The following EIF4E2 variants were observed in gnomAD, a reference collection of about 807,000 sequenced individuals.
The protein encoded by EIF4E2 is eukaryotic translation initiation factor 4E family member 2.
EIF4E2 carries 13 observed loss-of-function variants against 34.2 expected under a neutral mutation model. The ratio of observed to expected loss-of-function variants is 0.38; its 90% CI spans 0.25 to 0.60. The LOEUF is 0.60. Ranked by LOEUF, EIF4E2 falls within the 20% of genes least tolerant of loss-of-function variation. The probability of loss-of-function intolerance (pLI) is 0.62; values close to 1 mark genes in which losing one functional copy is unlikely to be tolerated. For missense variants in EIF4E2, 222 were observed against 315.1 expected (o/e 0.70, Z 2.24); for synonymous variants, 100 against 106.6 (o/e 0.94, Z 0.38).
intron 3 of EIF4E2, among the ~76,000 whole-genome samples, chr2:232,562,879 G>A (rs1035996924): frequency 6.6e-6 from 1 of 152,372 alleles, no homozygotes; most frequent in Middle Eastern, 3.4e-3. Context: ...AAGCTTAGCA[G>A]TTGCTGAGTA....
chr2:232,562,481 G>A (rs1692758277), intron 3 of EIF4E2, among the ~76,000 whole-genome samples: 1 of 152,170 alleles, frequency 6.6e-6, no homozygotes, highest in Non-Finnish European at 1.5e-5. Context: ...AGCTACTCGG[G>A]AGGCTGAGGC....
intron 2 of EIF4E2, among the ~76,000 whole-genome samples, chr2:232,557,339 T>C (rs1369847201): frequency 6.6e-6 from 1 of 152,180 alleles, no homozygotes; most frequent in African/African-American, 2.4e-5. Flanking sequence ...TTATGCTAGA[T>C]GCTAAGAGGA....
At chr2:232,575,654 A>G (rs542821381) in intron 6 of EIF4E2, among the ~76,000 whole-genome samples, 1 of 152,342 alleles carries the variant, frequency 6.6e-6, no homozygotes, top group East Asian at 1.9e-4. Context: ...TAGTCAACAT[A>G]GAATTCCAGG....
chr2:232,578,554 C>A (rs1006769339), intron 6 of EIF4E2, among the ~76,000 whole-genome samples: 1 of 151,762 alleles, frequency 6.6e-6, no homozygotes, highest in African/African-American at 2.4e-5. Context: ...TCGCTTGAAC[C>A]CAGGAGGCGG....
chr2:232,572,491 G>A (rs879034420), downstream of EIF4E2, among the ~76,000 whole-genome samples: 4 of 152,020 alleles, frequency 2.6e-5, no homozygotes, highest in African/African-American at 4.8e-5. Flanking sequence ...TCAGCCTCCC[G>A]AGTAGCTGGG....
At chr2:232,555,369 C>G (rs1559312656) in intron 1 of EIF4E2, among the ~76,000 whole-genome samples, 1 of 152,156 alleles carries the variant, frequency 6.6e-6, no homozygotes, top group Non-Finnish European at 1.5e-5. Flanking sequence ...ATTGTCTTTG[C>G]AAACTCACCT....
chr2:232,568,158 T>C, intron 6 of EIF4E2: 1 of 985,404 alleles, frequency 1.0e-6, no homozygotes, highest in Non-Finnish European at 1.2e-6. Context: ...ATCATCATCA[T>C]CATCATTAGT....
At chr2:232,565,968 T>C (rs998623749) in intron 4 of EIF4E2, among the ~76,000 whole-genome samples, 31 of 151,992 alleles carry the variant, frequency 2.0e-4, no homozygotes, top group African/African-American at 7.5e-4. Context: ...GGCATGTGCC[T>C]GTAGTCCCAG....
chr2:232,550,695 T>C lies in EIF4E2; in HGVS notation c.-30T>C. The C allele has an allele frequency of 1.3e-6, 2 of 1,583,256 alleles. No individual in the cohort carries two copies. The highest frequency in any genetic ancestry group is 1.7e-6 in the Non-Finnish European group (2 of 1,166,274). On this transcript the variant is annotated 5_prime_UTR_variant, in exon 1 of 7. Coordinates refer to ENST00000258416, the MANE Select transcript of EIF4E2 (RefSeq NM_004846.4). ...ACCCGGTGGAGCGGAAGTCACTCCC[T>C]GAGGCAGTGGCGACAGCGGCGGCGA...
intron 3 of EIF4E2, among the ~76,000 whole-genome samples, chr2:232,561,709 T>C (rs41329144): frequency 0.028 from 4,257 of 152,256 alleles, 119 homozygotes; most frequent in Middle Eastern, 0.071. Flanking sequence ...CATCTTGAAA[T>C]GGAAAGAGCA....
chr2:232,562,555 A>T (rs1692759973), intron 3 of EIF4E2, among the ~76,000 whole-genome samples: 1 of 152,180 alleles, frequency 6.6e-6, no homozygotes, highest in Non-Finnish European at 1.5e-5. Flanking sequence ...GCACCATTGC[A>T]CTCCAGCCTG....
chr2:232,555,284 T>C (rs1692482081), intron 1 of EIF4E2, among the ~76,000 whole-genome samples: 1 of 152,200 alleles, frequency 6.6e-6, no homozygotes. Context: ...CATATAGTTA[T>C]TGGGGCGAGA....
chr2:232,566,800 T>C lies in EIF4E2; in HGVS notation c.376-29T>C, dbSNP rs1370614356. 1 of 1,612,748 alleles carries C rather than the reference T, an allele frequency of 6.2e-7. No homozygotes were observed. The highest frequency in any genetic ancestry group is 8.5e-7 in the Non-Finnish European group (1 of 1,179,694). On this transcript the variant is annotated intron_variant, in intron 4 of 6. Transcript: ENST00000258416. The surrounding 1 kb of genome is among the most constrained non-coding windows in gnomAD (Gnocchi z 4.9). ...AAAAAAAGGCTGTGAAACCATATTT[T>C]AACTTCAGTGCTTTCTGTCTTTTTA...
At chr2:232,574,405 C>G (rs890647570) in intron 6 of EIF4E2, 1 of 1,491,598 alleles carries the variant, frequency 6.7e-7, no homozygotes, top group African/African-American at 1.4e-5. Context: ...GACCCCTCTT[C>G]CCATTTACCC....
downstream of EIF4E2, among the ~76,000 whole-genome samples, chr2:232,571,124 G>A (rs548819567): frequency 5.3e-5 from 8 of 152,260 alleles, no homozygotes; most frequent in East Asian, 1.3e-3. Context: ...TTCTTCAACC[G>A]TTGGGTTTTT....
At chr2:232,574,871 C>CTT (rs1347335641) in intron 6 of EIF4E2, among the ~76,000 whole-genome samples, 1 of 152,210 alleles carries the variant, frequency 6.6e-6, no homozygotes, top group Non-Finnish European at 1.5e-5. Context: ...CCAAGCTGTA[C>CTT]TTTCACTAGA....
At chr2:232,567,801 T>C in intron 6 of EIF4E2, 1 of 985,820 alleles carries the variant, frequency 1.0e-6, no homozygotes, top group Non-Finnish European at 1.2e-6. Flanking sequence ...GAAATAGAGC[T>C]CTCTGTCCAC....
In EIF4E2 at chr2:232,561,846, C is replaced by T. The variant is rs76453283; in HGVS notation, c.271-2401C>T. Reference sequence around the variant, plus strand: ...ATGATTTCTGAGGTCCTTTCGGCACCTCATATTCTGAGTCTGTGAATGCTT... The same window carrying T: ...ATGATTTCTGAGGTCCTTTCGGCACTTCATATTCTGAGTCTGTGAATGCTT... On this transcript the variant is annotated intron_variant, in intron 3 of 6. Transcript: ENST00000258416. Among the ~76,000 whole-genome samples, 192 of 150,052 alleles carry T rather than the reference C, an allele frequency of 1.3e-3. 1 individual carries two copies. The highest frequency in any genetic ancestry group is 4.3e-3 in the African/African-American group (173 of 40,470).
intron 2 of EIF4E2, 65 bp from the exon 3 acceptor site, chr2:232,557,819 A>G (rs2106237983): frequency 6.4e-7 from 1 of 1,569,376 alleles, no homozygotes; most frequent in East Asian, 2.3e-5. Flanking sequence ...ACACTGCAAA[A>G]TGTTCTCTCA....
Sources: gnomAD v4.1 joint callset for allele counts (sites outside exome capture counted in the v4.1 genomes callset) on GRCh38, gnomAD v4.1.1 for gene constraint, Gnocchi (gnomAD v3.1) non-coding constraint, MANE v1.5 for transcripts, NCBI Gene and HGNC (gene_info 2026-07-23, HGNC 2026-07-21) for gene names.